Variants in LGALS9 observed in about 807,000 individuals in gnomAD.
LGALS9 encodes galectin-9.
Under a neutral mutation model 35.9 loss-of-function variants are expected in LGALS9, and 26 were observed. The observed-to-expected ratio is 0.72, with a 90% CI of 0.53 to 1.01. LGALS9 has a LOEUF of 1.01. Ranked by LOEUF, LGALS9 falls within the 50% of genes least tolerant of loss-of-function variation. The pLI is 0.00. For synonymous variants in LGALS9, 149 were observed against 172.2 expected (o/e 0.87, Z 1.06); for missense variants, 347 against 445.8 (o/e 0.78, Z 1.99).
intron 5 of LGALS9, 124 bp downstream of exon 5, chr17:27,643,744 T>C: frequency 7.0e-7 from 1 of 1,423,966 alleles, no homozygotes; most frequent in Non-Finnish European, 9.3e-7. Context: ...CACCCAAGAG[T>C]TCCCTGTCTC....
At chr17:27,646,004 C>T (rs185164589) in intron 7 of LGALS9, 93 bp downstream of exon 7, 24 of 1,576,800 alleles carry the variant, frequency 1.5e-5, no homozygotes, top group African/African-American at 1.5e-4. Context: ...GGGAAGAAAG[C>T]GGTTTAGCAA....
rs202200748 is a variant in LGALS9 at position 27,646,557 on chromosome 17, T to A, written c.638T>A (p.Ile213Asn). 629 of 1,612,158 alleles carry A rather than the reference T, an allele frequency of 3.9e-4. 5 individuals are homozygous for A. The highest frequency in any genetic ancestry group is 1.8e-3 in the Middle Eastern group (8 of 4,518). Residue 213 changes from isoleucine to asparagine, a missense_variant, in exon 8 of 11, where the codon ATC (isoleucine) becomes AAC (asparagine). Physicochemically the swap from Ile to Asn is moderately radical, Grantham distance 149 (BLOSUM62 -3). Coordinates refer to ENST00000395473, the MANE Select transcript of LGALS9 (RefSeq NM_009587.3). ...APGQMFSTPA[I>N]PPMMYPHPAY... ...GTTTCTTTTCAACAGACTCCCGCCA[T>A]CCCACCTATGATGTACCCCCACCCC...
At position 27,636,052 on chromosome 17, in the gene LGALS9, C is replaced by G. The variant is rs373813742; in HGVS notation, c.40-2211C>G. 3.5e-4 allele frequency among the ~76,000 whole-genome samples: 53 copies of G among 152,304 alleles called. 1 individual carries two copies. The South Asian group carries it at 0.01, about 29-fold the overall frequency. On this transcript the variant is annotated intron_variant, in intron 1 of 10. Coordinates refer to ENST00000395473, the MANE Select transcript of LGALS9 (RefSeq NM_009587.3). ...GAGGGGCAACAAAAGACACCCCCCT[C>G]AAATCCATGGGGAGCAGAGTCTAAC... is the stretch of plus-strand genomic sequence containing the variant.
Position 27,631,347 on chromosome 17 carries a change from G to C in LGALS9, c.39+43G>C, listed in dbSNP as rs777809813. ...GGGCACAGGGCTGCCTCAGCCAGAGGGACACAGCTCTGGGGCTCTGAGGAA... is the reference window on the plus strand; with the variant it reads ...GGGCACAGGGCTGCCTCAGCCAGAGCGACACAGCTCTGGGGCTCTGAGGAA... On this transcript the variant is annotated intron_variant, in intron 1 of 10. Coordinates refer to ENST00000395473, the MANE Select transcript of LGALS9 (RefSeq NM_009587.3). The C allele has an allele frequency of 1.9e-6, 3 of 1,613,210 alleles. No individual in the cohort carries two copies. In the South Asian group the frequency reaches 3.3e-5, roughly 18 times the overall value.
intron 3 of LGALS9, among the ~76,000 whole-genome samples, chr17:27,641,366 G>C (rs559275756): frequency 3.3e-5 from 5 of 152,174 alleles, no homozygotes; most frequent in Non-Finnish European, 7.4e-5. Flanking sequence ...AAAAAGGAAT[G>C]AGATCATGTC....
At chr17:27,636,443 A>G (rs1229915654) in intron 1 of LGALS9, among the ~76,000 whole-genome samples, 1 of 152,046 alleles carries the variant, frequency 6.6e-6, no homozygotes, top group East Asian at 1.9e-4. Context: ...TCCATTTCAA[A>G]TATTTCATTT....
At chr17:27,631,528 A>C (rs181481583) in intron 1 of LGALS9, among the ~76,000 whole-genome samples, 2 of 152,186 alleles carry the variant, frequency 1.3e-5, no homozygotes, top group African/African-American at 4.8e-5. Flanking sequence ...TGGCTTTGAC[A>C]GTGTTGACTG....
At chr17:27,643,465 G>A (rs541629553) in intron 4 of LGALS9, 60 bp from the exon 5 acceptor site, 39 of 1,605,582 alleles carry the variant, frequency 2.4e-5, no homozygotes, top group African/African-American at 8.0e-5. Flanking sequence ...TCTGCCTTTC[G>A]GCTTCTCCTT....
At position 27,646,325 on chromosome 17, in the gene LGALS9, G is replaced by A. The variant is rs530809459; in HGVS notation, c.628-222G>A. ...GCTTAGAATTAGTGGGGCTGCCTGC[G>A]GAGGGGTTGAGGGGCAGGTGACCGT... On this transcript the variant is annotated intron_variant, in intron 7 of 10. Transcript: ENST00000395473. Among the ~76,000 whole-genome samples, 52 of 152,296 alleles carry A rather than the reference G, an allele frequency of 3.4e-4. No homozygotes were observed. In the South Asian group the frequency reaches 4.8e-3, roughly 14 times the overall value.
chr17:27,640,491 G>C lies in LGALS9; in HGVS notation c.132-81G>C, dbSNP rs1904385562. ...TGTGCAAGATCCAGACAAATGCAAA[G>C]CACAGGCGCCGAGGCCCTCCTGTGC... On this transcript the variant is annotated intron_variant, in intron 2 of 10. Transcript: ENST00000395473. 5 of 1,591,160 alleles carry C rather than the reference G, an allele frequency of 3.1e-6. No homozygotes were observed. The Admixed American group carries it at 6.7e-5, about 21-fold the overall frequency.
chr17:27,648,964 G>A lies in LGALS9; in HGVS notation c.1050G>A (p.Leu350=), dbSNP rs1176048831. Residue 350 remains leucine (L), a synonymous_variant, in exon 11 of 11, where the codon CTG becomes CTA. Coordinates refer to ENST00000395473, the MANE Select transcript of LGALS9 (RefSeq NM_009587.3). ...TGGAAGTGGGGGGCGACATCCAGCT[G>A]ACCCATGTGCAGACATAGGCGGCTT... is the stretch of plus-strand genomic sequence containing the variant. The part of the protein sequence containing the change: ...NRLEVGGDIQ[L]THVQT 2 of 1,613,866 alleles carry A rather than the reference G, an allele frequency of 1.2e-6. No individual in the cohort carries two copies. The highest frequency in any genetic ancestry group is 1.3e-5 in the African/African-American group (1 of 74,914).
chr17:27,640,243 A>G (rs1271502171), intron 2 of LGALS9: 4 of 393,570 alleles, frequency 1.0e-5, no homozygotes, highest in South Asian at 2.1e-5. Context: ...TCTCTCTTCT[A>G]GGTGTGCTTA....
rs1415753010 is a variant in LGALS9 at position 27,645,359 on chromosome 17, T to C, written c.576+10T>C. 3 of 1,611,996 alleles carry C rather than the reference T, an allele frequency of 1.9e-6. No individual in the cohort carries two copies. The African/African-American group carries it at 4.0e-5, about 22-fold the overall frequency. The stretch of plus-strand genomic sequence containing the variant: ...CAACCCGGCTCCCATTGTAAGTCTC[T>C]TGCTTTCTTTTTGGATCGTCCTCAT... On this transcript the variant is annotated intron_variant, in intron 6 of 10. Coordinates refer to ENST00000395473, the MANE Select transcript of LGALS9 (RefSeq NM_009587.3).
At chr17:27,636,275 A>G (rs1411466257) in intron 1 of LGALS9, among the ~76,000 whole-genome samples, 1 of 152,172 alleles carries the variant, frequency 6.6e-6, no homozygotes, top group Admixed American at 6.5e-5. Flanking sequence ...TATTATAGGA[A>G]ATTCAAACAT....
chr17:27,644,092 C>T (rs1904739794), intron 5 of LGALS9: 1 of 158,046 alleles, frequency 6.3e-6, no homozygotes, highest in Admixed American at 6.2e-5. Context: ...GCCTCACCCC[C>T]AACCCACGAA....
rs954311735 is a variant in LGALS9 at position 27,648,797 on chromosome 17, C to T, written c.922-39C>T. 3.7e-6 allele frequency: 6 copies of T among 1,612,180 alleles called. No homozygotes were observed. In the Admixed American group the frequency reaches 1.0e-4, roughly 27 times the overall value. On this transcript the variant is annotated intron_variant, in intron 10 of 10. Transcript: ENST00000395473. Reference sequence around the variant, plus strand: ...AGGAGGCTGCAGTGAGGGTGGAGGACTTCCCAAGTGTAGTGCAAACGGCAT... The same window carrying T: ...AGGAGGCTGCAGTGAGGGTGGAGGATTTCCCAAGTGTAGTGCAAACGGCAT...
intron 2 of LGALS9, chr17:27,638,773 C>T (rs1445843243): frequency 3.3e-6 from 1 of 300,968 alleles, no homozygotes; most frequent in African/African-American, 2.2e-5. Context: ...AATTTGGTCT[C>T]TTTTGGTTTC....
intron 4 of LGALS9, 161 bp downstream of exon 4, chr17:27,642,509 CTG>C: frequency 8.7e-7 from 1 of 1,152,600 alleles, no homozygotes; most frequent in Non-Finnish European, 1.2e-6. Flanking sequence ...CCCTTCTCCT[CTG>C]TCACTCTGCC....
In LGALS9 at chr17:27,647,192, A is replaced by C. The variant is rs535572927; in HGVS notation, c.758+74A>C. On this transcript the variant is annotated intron_variant, in intron 9 of 10. Coordinates refer to ENST00000395473, the MANE Select transcript of LGALS9 (RefSeq NM_009587.3). ...TCAGTCCAGCCATTCCCCTGGCTTC[A>C]GGAAGGCTACTGATGATGGGGAGGA... 14 of 1,613,884 alleles carry C rather than the reference A, an allele frequency of 8.7e-6. No individual in the cohort carries two copies. In the African/African-American group the frequency reaches 1.7e-4, roughly 20 times the overall value.
Sources: gnomAD v4.1 joint callset for allele counts (sites outside exome capture counted in the v4.1 genomes callset) on GRCh38, gnomAD v4.1.1 for gene constraint, MANE v1.5 for transcripts, NCBI Gene and HGNC (gene_info 2026-07-23, HGNC 2026-07-21) for gene names.